Variants in ARB2A observed in about 807,000 individuals in gnomAD.
The protein encoded by ARB2A is cotranscriptional regulator ARB2A.
chr5:93,937,439 A>AT, the ARB2A span, among the ~76,000 whole-genome samples: 78 of 131,852 alleles, frequency 5.9e-4, no homozygotes, highest in African/African-American at 2.2e-3. Context: ...CATCTCTATT[A>AT]AAAAAAAAAA....
the ARB2A span, among the ~76,000 whole-genome samples, chr5:94,029,231 A>G: frequency 6.6e-6 from 1 of 152,032 alleles, no homozygotes; most frequent in African/African-American, 2.4e-5. Flanking sequence ...ACCTCAAGTG[A>G]TTCACCCGCC....
the ARB2A span, among the ~76,000 whole-genome samples, chr5:93,984,061 GAAT>G: frequency 1.2e-4 from 19 of 152,134 alleles, no homozygotes; most frequent in Non-Finnish European, 1.9e-4. Flanking sequence ...ATAATCTATA[GAAT>G]AATATTTTAT....
the ARB2A span, among the ~76,000 whole-genome samples, chr5:93,859,353 A>T: frequency 6.6e-6 from 1 of 152,128 alleles, no homozygotes; most frequent in Non-Finnish European, 1.5e-5. Flanking sequence ...ACCTAACTCC[A>T]AACGTAAAAG....
chr5:94,053,071 C>CTATA, the ARB2A span: 1 of 407,614 alleles, frequency 2.5e-6, no homozygotes. Context: ...TTTGCATATA[C>CTATA]TATAGATAGA....
the ARB2A span, among the ~76,000 whole-genome samples, chr5:94,056,418 A>G: frequency 2.6e-5 from 4 of 152,236 alleles, no homozygotes; most frequent in Non-Finnish European, 5.9e-5. Context: ...TTGTAAGAGA[A>G]AAGCAATAAT....
At chr5:93,728,995 C>G in the ARB2A span, among the ~76,000 whole-genome samples, 61 of 152,004 alleles carry the variant, frequency 4.0e-4, no homozygotes, top group Non-Finnish European at 6.5e-4. Flanking sequence ...TGTATTTTTA[C>G]CACTACATTT....
At chr5:93,621,198 C>G in the ARB2A span, 5 of 1,427,090 alleles carry the variant, frequency 3.5e-6, no homozygotes, top group Non-Finnish European at 4.6e-6. Context: ...GCGGCGAGGG[C>G]CAGGCCGAGC....
the ARB2A span, chr5:93,734,778 A>T: frequency 6.6e-6 from 1 of 152,014 alleles, no homozygotes; most frequent in African/African-American, 2.4e-5. Context: ...CATCTTAGTT[A>T]TTGAAATGAT....
At chr5:93,964,571 C>G in the ARB2A span, 1 of 1,377,308 alleles carries the variant, frequency 7.3e-7, no homozygotes, top group African/African-American at 1.5e-5. Context: ...CATCCATTAT[C>G]AAAACTGACA....
the ARB2A span, among the ~76,000 whole-genome samples, chr5:93,688,122 C>T: frequency 8.7e-3 from 1,322 of 152,056 alleles, 12 homozygotes; most frequent in South Asian, 0.019. Context: ...TACAGGCGTG[C>T]GCCACCATAC....
the ARB2A span, among the ~76,000 whole-genome samples, chr5:93,853,966 C>T: frequency 1.3e-5 from 2 of 152,170 alleles, no homozygotes; most frequent in Admixed American, 1.3e-4. Flanking sequence ...ATGATGCTGG[C>T]CTCATAAAAT....
the ARB2A span, among the ~76,000 whole-genome samples, chr5:94,012,260 G>A: frequency 6.6e-6 from 1 of 152,164 alleles, no homozygotes; most frequent in Non-Finnish European, 1.5e-5. Flanking sequence ...AAATTAGCCA[G>A]GCGTGGTGGT....
chr5:93,688,984 A>G, the ARB2A span, among the ~76,000 whole-genome samples: 2 of 152,118 alleles, frequency 1.3e-5, no homozygotes, highest in Admixed American at 6.5e-5. Flanking sequence ...TTCACTGAAA[A>G]ATTCAAATCT....
At chr5:93,845,072 T>C in the ARB2A span, among the ~76,000 whole-genome samples, 2 of 152,182 alleles carry the variant, frequency 1.3e-5, no homozygotes, top group South Asian at 4.1e-4. Context: ...TTCCAGATGC[T>C]CCAACTATGA....
the ARB2A span, among the ~76,000 whole-genome samples, chr5:93,646,123 G>A: frequency 6.6e-6 from 1 of 152,030 alleles, no homozygotes; most frequent in African/African-American, 2.4e-5. Flanking sequence ...TGTAGTATCA[G>A]TAGTTCTTTA....
chr5:93,907,662 T>G, the ARB2A span, among the ~76,000 whole-genome samples: 6 of 151,422 alleles, frequency 4.0e-5, no homozygotes, highest in Admixed American at 1.3e-4. Flanking sequence ...ACATCTCGAG[T>G]CACCAGTAAA....
the ARB2A span, among the ~76,000 whole-genome samples, chr5:93,802,878 T>G: frequency 6.6e-6 from 1 of 152,082 alleles, no homozygotes; most frequent in African/African-American, 2.4e-5. Context: ...GCAAGACTAC[T>G]AAAATCTTTA....
At chr5:93,658,567 A>G in the ARB2A span, among the ~76,000 whole-genome samples, 1 of 152,264 alleles carries the variant, frequency 6.6e-6, no homozygotes, top group African/African-American at 2.4e-5. Context: ...ACTGCCTTCA[A>G]AAAGTTTATA....
At chr5:93,911,628 C>CCACACACACACACACA in the ARB2A span, among the ~76,000 whole-genome samples, 6 of 148,778 alleles carry the variant, frequency 4.0e-5, no homozygotes, top group South Asian at 4.3e-4. Flanking sequence ...GCATTAGTCA[C>CCACACACACACACACA]CACACACACA....
Sources: allele counts gnomAD v4.1 joint callset (sites outside exome capture counted in the v4.1 genomes callset), GRCh38; gene constraint gnomAD v4.1.1; transcripts MANE v1.5; gene names NCBI Gene and HGNC (gene_info 2026-07-23, HGNC 2026-07-21).